The following ATRNL1 variants were observed in gnomAD, a reference collection of about 807,000 sequenced individuals.
ATRNL1 encodes attractin-like protein 1.
A neutral mutation model predicts 182.7 loss-of-function variants in ATRNL1; 95 were observed. The ratio of observed to expected loss-of-function variants is 0.52; its 90% CI spans 0.44 to 0.62. The LOEUF (loss-of-function observed/expected upper bound fraction) is 0.62. ATRNL1 is among the 20% of genes least tolerant of loss of function. The pLI is 0.00. For synonymous variants in ATRNL1, 576 were observed against 568.3 expected (o/e 1.01, Z -0.19); for missense variants, 1,471 against 1,679.5 (o/e 0.88, Z 2.17).
chr10:115,839,688 C>G (rs1480371732), intron 27 of ATRNL1, among the ~76,000 whole-genome samples: 2 of 152,162 alleles, frequency 1.3e-5, no homozygotes, highest in Admixed American at 1.3e-4. Flanking sequence ...CCCCAGGACT[C>G]TATGCATAAC....
chr10:115,615,048 C>T (rs1857363215), intron 26 of ATRNL1, among the ~76,000 whole-genome samples: 2 of 151,804 alleles, frequency 1.3e-5, no homozygotes, highest in African/African-American at 4.8e-5. Context: ...TCTATTGAAA[C>T]ATATTCCTGT....
At chr10:115,301,811 A>T (rs146839107) in intron 16 of ATRNL1, 44 bp from the exon 17 acceptor site, 22 of 1,488,556 alleles carry the variant, frequency 1.5e-5, no homozygotes, top group Non-Finnish European at 2.0e-5. Flanking sequence ...TTGTGTTAAC[A>T]TGAAGTTAAA....
At chr10:115,792,686 GA>G (rs139644580) in intron 27 of ATRNL1, among the ~76,000 whole-genome samples, 8,306 of 151,858 alleles carry the variant, frequency 0.055, 697 homozygotes, top group African/African-American at 0.18. Flanking sequence ...AATGTTATAT[GA>G]AAAAAATATA....
chr10:115,828,590 T>C (rs1003614013), intron 27 of ATRNL1, among the ~76,000 whole-genome samples: 1 of 152,220 alleles, frequency 6.6e-6, no homozygotes, highest in Admixed American at 6.5e-5. Context: ...CTACCTGTTT[T>C]TGTTGTTGTT....
At chr10:115,144,529 G>C (rs1304362346) in intron 5 of ATRNL1, among the ~76,000 whole-genome samples, 1 of 152,070 alleles carries the variant, frequency 6.6e-6, no homozygotes, top group African/African-American at 2.4e-5. Context: ...TCCTGACCTC[G>C]TGGTCTGCCC....
intron 19 of ATRNL1, among the ~76,000 whole-genome samples, chr10:115,338,812 T>C (rs1855609909): frequency 6.6e-6 from 1 of 152,210 alleles, no homozygotes. Flanking sequence ...CAGACCAATG[T>C]CCTGGAGATT....
In ATRNL1 at chr10:115,212,635, C is replaced by T. The variant is rs1015235902; in HGVS notation, c.1349-3062C>T. 5.9e-5 allele frequency among the ~76,000 whole-genome samples: 9 copies of T among 151,908 alleles called. No homozygotes were observed. The East Asian group carries it at 7.7e-4, about 13-fold the overall frequency. On this transcript the variant is annotated intron_variant, in intron 8 of 28. Coordinates refer to ENST00000355044, the MANE Select transcript of ATRNL1 (RefSeq NM_207303.4). ...ATGATAGACTGAATAAAGAAAATGT[C>T]GTACATATACACCGTGGAATATTAT... is the stretch of plus-strand genomic sequence containing the variant.
intron 1 of ATRNL1, among the ~76,000 whole-genome samples, chr10:115,114,246 A>G (rs180758158): frequency 6.6e-6 from 1 of 152,318 alleles, no homozygotes; most frequent in East Asian, 1.9e-4. Flanking sequence ...TTATAGAAGA[A>G]TCAACTCAAA....
intron 26 of ATRNL1, among the ~76,000 whole-genome samples, chr10:115,613,674 A>C (rs1555019795): frequency 2.0e-5 from 3 of 152,102 alleles, no homozygotes; most frequent in African/African-American, 7.2e-5. Flanking sequence ...TGTTATTAGA[A>C]GACTATTACT....
Position 115,395,344 on chromosome 10 carries a change from T to A in ATRNL1, c.3269+592T>A, listed in dbSNP as rs115582455. On this transcript the variant is annotated intron_variant, in intron 20 of 28. Transcript: ENST00000355044. Reference sequence around the variant, plus strand: ...TGCATGTGTCTTTTTGGTAGAATGATTTATTTTTCTTTGAGAATTTACTTG... The same window carrying A: ...TGCATGTGTCTTTTTGGTAGAATGAATTATTTTTCTTTGAGAATTTACTTG... Among the ~76,000 whole-genome samples the A allele has an allele frequency of 6.8e-3, 1,027 of 152,074 alleles. 11 individuals carry two copies. The highest frequency in any genetic ancestry group is 0.024 in the African/African-American group (986 of 41,548).
chr10:115,822,234 G>A (rs928455508), intron 27 of ATRNL1, among the ~76,000 whole-genome samples: 3 of 152,120 alleles, frequency 2.0e-5, no homozygotes, highest in Non-Finnish European at 4.4e-5. Flanking sequence ...AAACCAATGA[G>A]AACAAGAACA....
Position 115,945,344 on chromosome 10 carries a change from A to C in ATRNL1, c.*565A>C, listed in dbSNP as rs1555125341. 6.6e-6 allele frequency: 1 copy of C among 152,192 alleles called. No homozygotes were observed. The highest frequency in any genetic ancestry group is 1.5e-5 in the Non-Finnish European group (1 of 68,060). 9.4% of individuals were successfully genotyped at this position (152,192 alleles called of 1,614,324 possible). A position where few individuals can be genotyped will look rare whatever the true frequency, so the allele number is the denominator to read the frequency against. Reference sequence around the variant, plus strand: ...TGTCCAAACTCAGTCTGAGAATGTGACAGCTTTCCGCCTAACTAGAATGCA... The same window carrying C: ...TGTCCAAACTCAGTCTGAGAATGTGCCAGCTTTCCGCCTAACTAGAATGCA... On this transcript the variant is annotated 3_prime_UTR_variant, in exon 29 of 29. Transcript: ENST00000355044.
chr10:115,845,889 A>C (rs1482504418), intron 27 of ATRNL1, among the ~76,000 whole-genome samples: 1 of 152,074 alleles, frequency 6.6e-6, no homozygotes, highest in African/African-American at 2.4e-5. Flanking sequence ...AGTATATTTT[A>C]ATCAATTGAC....
intron 5 of ATRNL1, among the ~76,000 whole-genome samples, chr10:115,134,442 A>G (rs571564384): frequency 1.3e-5 from 2 of 152,338 alleles, no homozygotes; most frequent in Admixed American, 1.3e-4. Flanking sequence ...TCTAGAAGAA[A>G]TGGATAATTT....
intron 28 of ATRNL1, among the ~76,000 whole-genome samples, chr10:115,900,494 A>G (rs527650666): frequency 2.6e-5 from 4 of 152,248 alleles, no homozygotes; most frequent in Non-Finnish European, 4.4e-5. Context: ...AACCTGCAAA[A>G]GGCAAAAAAT....
chr10:115,440,439 A>G (rs1554965490), intron 21 of ATRNL1, among the ~76,000 whole-genome samples: 1 of 151,950 alleles, frequency 6.6e-6, no homozygotes, highest in East Asian at 1.9e-4. Flanking sequence ...CATTAATAAC[A>G]TCACCTATGA....
intron 27 of ATRNL1, among the ~76,000 whole-genome samples, chr10:115,752,429 T>C (rs1948474061): frequency 6.6e-6 from 1 of 152,070 alleles, no homozygotes; most frequent in Non-Finnish European, 1.5e-5. Context: ...GTTCAGTGAT[T>C]TTTAAAACAG....
intron 28 of ATRNL1, among the ~76,000 whole-genome samples, chr10:115,940,969 A>G (rs1555124124): frequency 6.6e-6 from 1 of 152,226 alleles, no homozygotes; most frequent in Non-Finnish European, 1.5e-5. Flanking sequence ...TTTATAAAGA[A>G]GAATAACTCA....
chr10:115,452,349 A>T (rs1235015309), intron 21 of ATRNL1, among the ~76,000 whole-genome samples: 3 of 152,196 alleles, frequency 2.0e-5, no homozygotes, highest in African/African-American at 7.2e-5. Flanking sequence ...TTTTAAGGTC[A>T]TAACAGATGC....
Sources: allele counts gnomAD v4.1 joint callset (sites outside exome capture counted in the v4.1 genomes callset), GRCh38; gene constraint gnomAD v4.1.1; transcripts MANE v1.5; gene names NCBI Gene and HGNC (gene_info 2026-07-23, HGNC 2026-07-21).